Variants in SULF2 observed in about 807,000 individuals in gnomAD.
The protein encoded by SULF2 is sulfatase 2, also known as extracellular sulfatase Sulf-2.
Under a neutral mutation model 107.7 loss-of-function variants are expected in SULF2, and 52 were observed. The ratio of observed to expected loss-of-function variants is 0.48; its 90% CI spans 0.39 to 0.61. SULF2 has a LOEUF of 0.61. Among genes scored for constraint, SULF2 ranks in the 20% least tolerant of loss-of-function variants. The pLI is 0.00. For missense variants in SULF2, 993 were observed against 1,177.3 expected, an observed-to-expected ratio of 0.84 and a Z score of 2.29; for synonymous variants, 460 against 464.3, an observed-to-expected ratio of 0.99 and a Z score of 0.12.
chr20:47,690,994 G>A (rs7260675), intron 4 of SULF2, among the ~76,000 whole-genome samples: 56,513 of 152,092 alleles, frequency 0.37, 10,979 homozygotes, highest in Middle Eastern at 0.51. Context: ...TAGAAAGTAC[G>A]TATGATGATA....
In SULF2 at chr20:47,768,880, GTGT is replaced by G. The variant is rs2090574551; in HGVS notation, c.-100-11420_-100-11418del. ...CTGGCCTGAGTTTGTGTTTGTGTGC[GTGT>G]TTTTTTTTTTTTTTTTGAGATGGAG... On this transcript the variant is annotated intron_variant, in intron 1 of 20. Transcript: ENST00000688720. 2.6e-5 allele frequency among the ~76,000 whole-genome samples: 3 copies of G among 115,264 alleles called. No homozygotes were observed. The Admixed American group carries it at 2.7e-4, about 10-fold the overall frequency. 75.6% of individuals were successfully genotyped at this position (115,264 alleles called of 152,430 possible). A position where few individuals can be genotyped will look rare whatever the true frequency, so the allele number is the denominator to read the frequency against.
At chr20:47,779,857 T>C (rs1055592358) in intron 1 of SULF2, among the ~76,000 whole-genome samples, 1 of 152,142 alleles carries the variant, frequency 6.6e-6, no homozygotes, top group African/African-American at 2.4e-5. Context: ...TCCACCCGCC[T>C]TGGCCTCCCA....
intron 4 of SULF2, among the ~76,000 whole-genome samples, chr20:47,693,556 C>T (rs575089007): frequency 1.2e-4 from 18 of 152,194 alleles, no homozygotes; most frequent in African/African-American, 1.9e-4. Context: ...TGGATGAACA[C>T]GGATCAAACG....
At chr20:47,755,029 G>T (rs1029212550) in intron 2 of SULF2, among the ~76,000 whole-genome samples, 1 of 149,078 alleles carries the variant, frequency 6.7e-6, no homozygotes, top group Non-Finnish European at 1.5e-5. Flanking sequence ...AGACGGGGGG[G>T]GTCTCACTAT....
At chr20:47,745,010 T>C (rs2089974304) in intron 2 of SULF2, among the ~76,000 whole-genome samples, 1 of 152,120 alleles carries the variant, frequency 6.6e-6, no homozygotes, top group South Asian at 2.1e-4. Context: ...CAGGTCCTTT[T>C]TCATCTGTAG....
At chr20:47,767,503 G>A (rs1343049864) in intron 1 of SULF2, among the ~76,000 whole-genome samples, 4 of 152,186 alleles carry the variant, frequency 2.6e-5, no homozygotes, top group African/African-American at 9.7e-5. Context: ...AAATTAGGCT[G>A]GGCACAGTGG....
intron 1 of SULF2, among the ~76,000 whole-genome samples, chr20:47,777,318 G>C (rs1434878759): frequency 6.6e-6 from 1 of 152,106 alleles, no homozygotes; most frequent in Admixed American, 6.5e-5. Context: ...TGCTAGGGTG[G>C]GAGTGTTCTG....
chr20:47,768,125 C>G (rs2146956518), intron 1 of SULF2, among the ~76,000 whole-genome samples: 1 of 152,288 alleles, frequency 6.6e-6, no homozygotes, highest in South Asian at 2.1e-4. Context: ...TTACAACTGG[C>G]TAACTCACTC....
chr20:47,784,458 T>C (rs1318355373), intron 1 of SULF2, among the ~76,000 whole-genome samples: 1 of 152,046 alleles, frequency 6.6e-6, no homozygotes, highest in East Asian at 1.9e-4. Flanking sequence ...TACTGTGTGC[T>C]GGGCCTACTG....
chr20:47,683,578 G>A (rs1394571700), intron 6 of SULF2, among the ~76,000 whole-genome samples: 4 of 152,254 alleles, frequency 2.6e-5, no homozygotes, highest in East Asian at 3.8e-4. Flanking sequence ...AGGATCTTGC[G>A]ATCTGGAAGG....
chr20:47,681,187 T>C (rs1373627012), intron 7 of SULF2, among the ~76,000 whole-genome samples: 2 of 152,196 alleles, frequency 1.3e-5, no homozygotes, highest in Non-Finnish European at 2.9e-5. Context: ...CCAATGGCAT[T>C]GTAAGACTGC....
intron 3 of SULF2, among the ~76,000 whole-genome samples, chr20:47,706,125 C>A (rs1391078180): frequency 6.6e-6 from 1 of 152,040 alleles, no homozygotes; most frequent in Non-Finnish European, 1.5e-5. Context: ...TTTAAATAAA[C>A]CTGCCTATGG....
At chr20:47,756,449 T>C (rs2090285368) in intron 2 of SULF2, among the ~76,000 whole-genome samples, 1 of 152,200 alleles carries the variant, frequency 6.6e-6, no homozygotes, top group Non-Finnish European at 1.5e-5. Flanking sequence ...AAATTGCCTT[T>C]TCCTGGTAGC....
At chr20:47,782,437 A>G (rs1406301149) in intron 1 of SULF2, among the ~76,000 whole-genome samples, 2 of 151,950 alleles carry the variant, frequency 1.3e-5, no homozygotes, top group Non-Finnish European at 2.9e-5. Context: ...GGCCCATTCC[A>G]AGGAGGCCCA....
At chr20:47,740,651 A>C (rs899202701) in intron 2 of SULF2, among the ~76,000 whole-genome samples, 1 of 152,094 alleles carries the variant, frequency 6.6e-6, no homozygotes, top group East Asian at 1.9e-4. Context: ...TAAAACAACA[A>C]CAACAACAAA....
At chr20:47,746,995 ATATATAT>A (rs374317743) in intron 2 of SULF2, among the ~76,000 whole-genome samples, 31 of 116,590 alleles carry the variant, frequency 2.7e-4, no homozygotes, top group Admixed American at 1.4e-3. Context: ...AAAAAAAAAA[ATATATAT>A]ATATATATAT....
intron 3 of SULF2, among the ~76,000 whole-genome samples, chr20:47,728,359 C>A (rs570471942): frequency 7.4e-4 from 113 of 152,172 alleles, no homozygotes; most frequent in African/African-American, 2.7e-3. Flanking sequence ...GACGGCATCC[C>A]GGGAATAATT....
chr20:47,749,817 A>G (rs1028957467), intron 2 of SULF2, among the ~76,000 whole-genome samples: 6 of 152,110 alleles, frequency 3.9e-5, no homozygotes, highest in African/African-American at 9.7e-5. Context: ...TAAAGCACAA[A>G]CAAGCACACA....
intron 1 of SULF2, among the ~76,000 whole-genome samples, chr20:47,766,449 A>T (rs2090529897): frequency 6.6e-6 from 1 of 152,240 alleles, no homozygotes; most frequent in South Asian, 2.1e-4. Flanking sequence ...GGAGGGAAAG[A>T]TCAGGTTTCA....
Sources: allele counts gnomAD v4.1 joint callset (sites outside exome capture counted in the v4.1 genomes callset), GRCh38; gene constraint gnomAD v4.1.1; transcripts MANE v1.5; gene names NCBI Gene and HGNC (gene_info 2026-07-23, HGNC 2026-07-21).